DSTN: variants seen among roughly 807,000 people sequenced by gnomAD.
DSTN encodes the protein destrin.
Under a neutral mutation model 16.8 loss-of-function variants are expected in DSTN, and 10 were observed. That is an observed-to-expected ratio of 0.60 (90% CI 0.37 to 1.01). The LOEUF is 1.01. Among genes scored for constraint, DSTN ranks in the 50% least tolerant of loss-of-function variants. The pLI, the probability that DSTN is intolerant of heterozygous loss-of-function variation, is 0.01. For synonymous variants in DSTN, 57 were observed against 58.9 expected, an observed-to-expected ratio of 0.97 and a Z score of 0.14; for missense variants, 141 against 196.7, an observed-to-expected ratio of 0.72 and a Z score of 1.69.
chr20:17,586,642 C>T (rs1055823061), intron 1 of DSTN, among the ~76,000 whole-genome samples: 1 of 152,178 alleles, frequency 6.6e-6, no homozygotes, highest in Admixed American at 6.5e-5. Flanking sequence ...TGTTTCAAAT[C>T]AGTCTTAAGC....
At chr20:17,577,104 T>C (rs2035287596) in intron 1 of DSTN, among the ~76,000 whole-genome samples, 2 of 152,250 alleles carry the variant, frequency 1.3e-5, no homozygotes, top group South Asian at 4.1e-4. Context: ...AAAGTGTATA[T>C]GAAACACAAA....
intron 1 of DSTN, among the ~76,000 whole-genome samples, chr20:17,581,713 T>C (rs994015316): frequency 6.6e-6 from 1 of 152,222 alleles, no homozygotes; most frequent in African/African-American, 2.4e-5. Flanking sequence ...ATGGTGTCAC[T>C]ATGCTTGAGG....
At chr20:17,603,620 A>C (rs1568740897) in intron 2 of DSTN, among the ~76,000 whole-genome samples, 1 of 152,224 alleles carries the variant, frequency 6.6e-6, no homozygotes, top group Non-Finnish European at 1.5e-5. Context: ...TCTGTCCGTT[A>C]CTAATCATCC....
Position 17,609,407 on chromosome 20 carries a change from A to G in DSTN, c.*2261A>G, listed in dbSNP as rs1031602473. 1 of 152,182 alleles carries G rather than the reference A, an allele frequency of 6.6e-6. No individual in the cohort carries two copies. Among genetic ancestry groups the G allele is most frequent in the Admixed American group, 6.5e-5 (1 of 15,268 alleles). The allele number at this position is 152,182 out of a possible 1,614,324, so 9.4% of individuals were successfully genotyped here. On this transcript the variant is annotated 3_prime_UTR_variant, in exon 4 of 4. Transcript: ENST00000246069. ...AACAGGCCTCCAGGGAAGTGCCATAAGCCCAAGACTGCCGTACTCAAAAGT... is the reference window on the plus strand; with the variant it reads ...AACAGGCCTCCAGGGAAGTGCCATAGGCCCAAGACTGCCGTACTCAAAAGT...
intron 1 of DSTN, among the ~76,000 whole-genome samples, chr20:17,592,316 A>G (rs1195070384): frequency 6.6e-6 from 1 of 151,508 alleles, no homozygotes; most frequent in Non-Finnish European, 1.5e-5. Context: ...AGTCCCAGCT[A>G]CTCAGGAGGC....
At chr20:17,595,407 T>C (rs2035515550) in intron 1 of DSTN, among the ~76,000 whole-genome samples, 1 of 152,158 alleles carries the variant, frequency 6.6e-6, no homozygotes, top group African/African-American at 2.4e-5. Context: ...CCTCCCTGTT[T>C]CAGAGAAAAA....
intron 1 of DSTN, among the ~76,000 whole-genome samples, chr20:17,570,640 G>A (rs1002624180): frequency 1.3e-5 from 2 of 152,196 alleles, no homozygotes; most frequent in African/African-American, 4.8e-5. Context: ...TTTCCCCAGA[G>A]CTGGCGCTGA....
At chr20:17,585,075 C>G (rs1233233710) in intron 1 of DSTN, among the ~76,000 whole-genome samples, 2 of 152,064 alleles carry the variant, frequency 1.3e-5, no homozygotes, top group African/African-American at 4.8e-5. Flanking sequence ...TTATAAGGCT[C>G]TATGATATAA....
chr20:17,598,828 A>G (rs1037570061), intron 1 of DSTN, among the ~76,000 whole-genome samples: 1 of 152,124 alleles, frequency 6.6e-6, no homozygotes, highest in African/African-American at 2.4e-5. Flanking sequence ...AAACGCCTGA[A>G]CTCAAGTGAT....
At chr20:17,604,924 C>T (rs187865319) in intron 3 of DSTN, among the ~76,000 whole-genome samples, 2 of 152,278 alleles carry the variant, frequency 1.3e-5, no homozygotes, top group Non-Finnish European at 2.9e-5. Context: ...CCAGTTTTCT[C>T]ATGTAGGAGG....
chr20:17,585,657 A>G (rs2035398218), intron 1 of DSTN, among the ~76,000 whole-genome samples: 1 of 152,204 alleles, frequency 6.6e-6, no homozygotes, highest in Admixed American at 6.5e-5. Flanking sequence ...ATATACACAC[A>G]CACACATATA....
intron 2 of DSTN, 25 bp from the exon 3 acceptor site, chr20:17,604,530 T>C: frequency 1.3e-6 from 2 of 1,599,500 alleles, no homozygotes; most frequent in South Asian, 1.1e-5. Flanking sequence ...ACCACTTTTT[T>C]CATTTTTGGC....
intron 2 of DSTN, among the ~76,000 whole-genome samples, chr20:17,601,676 A>G (rs2035588697): frequency 6.6e-6 from 1 of 152,218 alleles, no homozygotes; most frequent in African/African-American, 2.4e-5. Context: ...CATTTCCATC[A>G]TTGCAGAAAA....
chr20:17,596,697 C>T (rs2035530159), intron 1 of DSTN: 2 of 985,384 alleles, frequency 2.0e-6, no homozygotes, highest in African/African-American at 3.5e-5. Context: ...TTTCCTCAAG[C>T]ACAAGTGTCT....
chr20:17,588,926 T>TG (rs1490666660), intron 1 of DSTN, among the ~76,000 whole-genome samples: 18 of 152,252 alleles, frequency 1.2e-4, no homozygotes. Flanking sequence ...CATTTACATA[T>TG]GGTCACCTGT....
At chr20:17,595,369 T>C (rs2035515115) in intron 1 of DSTN, among the ~76,000 whole-genome samples, 2 of 152,202 alleles carry the variant, frequency 1.3e-5, no homozygotes. Flanking sequence ...TGTATCTTCC[T>C]TCCACCTCAA....
intron 2 of DSTN, among the ~76,000 whole-genome samples, chr20:17,602,840 C>A (rs1291785469): frequency 6.6e-6 from 1 of 152,062 alleles, no homozygotes; most frequent in Non-Finnish European, 1.5e-5. Context: ...TCCTGGCCAA[C>A]CAACATGGTG....
chr20:17,570,138 G>A lies in DSTN; in HGVS notation c.-71G>A, dbSNP rs2035179062. ...CTGGGTCTCTCGGTCCCGCAGCCGT[G>A]AGGAGGACGGTCTGCATACTCGCTG... On this transcript the variant is annotated 5_prime_UTR_variant, in exon 1 of 4. Transcript: ENST00000246069. 1 of 1,512,502 alleles carries A rather than the reference G, an allele frequency of 6.6e-7. No homozygotes were observed. The highest frequency in any genetic ancestry group is 1.4e-5 in the African/African-American group (1 of 69,154). 93.7% of individuals were successfully genotyped at this position (1,512,502 alleles called of 1,614,324 possible).
rs189931871 is a variant in DSTN at position 17,592,284 on chromosome 20, G to A, written c.4-8454G>A. On this transcript the variant is annotated intron_variant, in intron 1 of 3. Coordinates refer to ENST00000246069, the MANE Select transcript of DSTN (RefSeq NM_006870.4). The stretch of plus-strand genomic sequence containing the variant: ...TTATAAAAAAATACAAAAATTAGCT[G>A]GGTGTGGTGGCATGCACCTCTAGTC... Among the ~76,000 whole-genome samples, 77 of 151,994 alleles carry A rather than the reference G, an allele frequency of 5.1e-4. 1 individual carries two copies. The highest frequency in any genetic ancestry group is 1.9e-3 in the African/African-American group (77 of 41,452).
Sources: allele counts gnomAD v4.1 joint callset (sites outside exome capture counted in the v4.1 genomes callset), GRCh38; gene constraint gnomAD v4.1.1; transcripts MANE v1.5; gene names NCBI Gene and HGNC (gene_info 2026-07-23, HGNC 2026-07-21).